The following SPAG16 variants were observed in gnomAD, a reference collection of about 807,000 sequenced individuals.
The protein encoded by SPAG16 is sperm associated antigen 16.
A neutral mutation model predicts 80.4 loss-of-function variants in SPAG16; 86 were observed. That is an observed-to-expected ratio of 1.07 (90% CI 0.90 to 1.28). The LOEUF (loss-of-function observed/expected upper bound fraction) is 1.28. SPAG16 is among the 50% of genes most tolerant of loss of function. The pLI is 0.00. For missense variants in SPAG16, 870 were observed against 765.3 expected (o/e 1.14, Z -1.61); for synonymous variants, 294 against 265.9 (o/e 1.11, Z -1.03).
At chr2:213,710,162 T>A (rs950984705) in intron 10 of SPAG16, among the ~76,000 whole-genome samples, 10 of 152,044 alleles carry the variant, frequency 6.6e-5, no homozygotes, top group Admixed American at 6.5e-4. Context: ...CACATGCCTG[T>A]AGTCTCAGCT....
intron 10 of SPAG16, among the ~76,000 whole-genome samples, chr2:213,524,481 G>A (rs776943934): frequency 1.3e-5 from 2 of 152,182 alleles, no homozygotes; most frequent in African/African-American, 2.4e-5. Context: ...TTTTCCCTGT[G>A]TGCCTGGAAA....
At chr2:213,823,671 G>A (rs1378313485) in intron 10 of SPAG16, among the ~76,000 whole-genome samples, 2 of 152,080 alleles carry the variant, frequency 1.3e-5, no homozygotes, top group Non-Finnish European at 2.9e-5. Flanking sequence ...GGCCTGTTGA[G>A]CTTTTTTTCA....
At chr2:213,300,333 T>C (rs2062687918) in intron 3 of SPAG16, among the ~76,000 whole-genome samples, 1 of 152,200 alleles carries the variant, frequency 6.6e-6, no homozygotes, top group African/African-American at 2.4e-5. Context: ...TTTGGAATAA[T>C]TAACTATTTT....
rs1430223846 is a variant in SPAG16 at position 213,489,019 on chromosome 2, G to A, written c.943-944G>A. Among the ~76,000 whole-genome samples, 2 of 145,220 alleles carry A rather than the reference G, an allele frequency of 1.4e-5. 1 individual carries two copies. The highest frequency in any genetic ancestry group is 5.0e-5 in the African/African-American group (2 of 40,186). ...GAATCCGGAAGGCGGAGGTTGCAGT[G>A]AGCCAAGATCCCGCCACTGCAATCC... On this transcript the variant is annotated intron_variant, in intron 9 of 15. Transcript: ENST00000331683.
chr2:214,132,688 G>A (rs755104322), intron 14 of SPAG16, among the ~76,000 whole-genome samples: 1 of 152,162 alleles, frequency 6.6e-6, no homozygotes, highest in Admixed American at 6.6e-5. Context: ...AAAGCATGAG[G>A]ACTTGGTGCA....
intron 10 of SPAG16, among the ~76,000 whole-genome samples, chr2:213,697,356 T>C (rs2065199304): frequency 6.6e-6 from 1 of 152,198 alleles, no homozygotes; most frequent in African/African-American, 2.4e-5. Context: ...CTCATGGTCA[T>C]GTATTTAGAG....
At chr2:213,437,178 C>G (rs954295297) in intron 9 of SPAG16, among the ~76,000 whole-genome samples, 2 of 152,186 alleles carry the variant, frequency 1.3e-5, no homozygotes, top group Non-Finnish European at 2.9e-5. Context: ...GCATTACAGG[C>G]ATGAGCCACT....
intron 15 of SPAG16, among the ~76,000 whole-genome samples, chr2:214,307,713 T>C (rs1213036252): frequency 6.6e-6 from 1 of 152,192 alleles, no homozygotes; most frequent in Admixed American, 6.5e-5. Flanking sequence ...TTGAGCAAAT[T>C]TCTTAATCTT....
intron 11 of SPAG16, among the ~76,000 whole-genome samples, chr2:213,908,651 A>T (rs371700593): frequency 4.6e-5 from 7 of 152,204 alleles, no homozygotes; most frequent in African/African-American, 1.7e-4. Flanking sequence ...GGTTGATTCT[A>T]GATTGCTAAA....
At chr2:214,083,555 T>C (rs751670155) in intron 13 of SPAG16, among the ~76,000 whole-genome samples, 23 of 150,326 alleles carry the variant, frequency 1.5e-4, no homozygotes, top group Non-Finnish European at 3.1e-4. Context: ...CTTACCATTG[T>C]TTCCCAACTT....
At chr2:213,330,394 G>A (rs1467359589) in intron 5 of SPAG16, among the ~76,000 whole-genome samples, 1 of 152,218 alleles carries the variant, frequency 6.6e-6, no homozygotes, top group East Asian at 1.9e-4. Context: ...TGACCTGGAT[G>A]TGAGACATGG....
At chr2:214,272,167 T>C (rs1692078068) in intron 15 of SPAG16, among the ~76,000 whole-genome samples, 1 of 152,186 alleles carries the variant, frequency 6.6e-6, no homozygotes, top group Non-Finnish European at 1.5e-5. Flanking sequence ...CCAATTTTCC[T>C]TTTTAACATG....
intron 15 of SPAG16, among the ~76,000 whole-genome samples, chr2:214,334,975 G>C (rs1214551783): frequency 6.6e-6 from 1 of 152,166 alleles, no homozygotes; most frequent in Non-Finnish European, 1.5e-5. Flanking sequence ...TAGACTTTGA[G>C]GCAGAGATTT....
At chr2:213,430,779 T>C (rs545860275) in intron 9 of SPAG16, among the ~76,000 whole-genome samples, 7 of 152,266 alleles carry the variant, frequency 4.6e-5, no homozygotes, top group African/African-American at 1.4e-4. Flanking sequence ...CATATACTCA[T>C]TGGAATGTCT....
At chr2:213,625,793 T>A (rs1255156318) in intron 10 of SPAG16, among the ~76,000 whole-genome samples, 2 of 152,132 alleles carry the variant, frequency 1.3e-5, no homozygotes, top group African/African-American at 4.8e-5. Flanking sequence ...GTTCGAGTGA[T>A]TCTCCTGCCT....
chr2:213,711,665 G>A (rs1402516499), intron 10 of SPAG16, among the ~76,000 whole-genome samples: 1 of 151,548 alleles, frequency 6.6e-6, no homozygotes, highest in African/African-American at 2.4e-5. Context: ...GATTACAGGT[G>A]TGCACCACCA....
chr2:213,741,052 A>G (rs2067528107), intron 10 of SPAG16, among the ~76,000 whole-genome samples: 1 of 152,210 alleles, frequency 6.6e-6, no homozygotes, highest in African/African-American at 2.4e-5. Flanking sequence ...TCAACTATTA[A>G]TTTAACGCCT....
chr2:213,624,130 T>C (rs1328954987), intron 10 of SPAG16, among the ~76,000 whole-genome samples: 1 of 152,140 alleles, frequency 6.6e-6, no homozygotes, highest in Non-Finnish European at 1.5e-5. Context: ...AGAAAAAACA[T>C]CTGCATTCTA....
At chr2:213,912,509 C>G (rs1575532119) in intron 11 of SPAG16, among the ~76,000 whole-genome samples, 1 of 152,150 alleles carries the variant, frequency 6.6e-6, no homozygotes, top group South Asian at 2.1e-4. Context: ...ATATTTCTTC[C>G]TCGCTTCCTT....
Sources: gnomAD v4.1 joint callset for allele counts (sites outside exome capture counted in the v4.1 genomes callset) on GRCh38, gnomAD v4.1.1 for gene constraint, MANE v1.5 for transcripts, NCBI Gene and HGNC (gene_info 2026-07-23, HGNC 2026-07-21) for gene names.